Variants in C1orf185 observed in about 807,000 individuals in gnomAD.
The protein encoded by C1orf185 is uncharacterized protein C1orf185.
A neutral mutation model predicts 16.1 loss-of-function variants in C1orf185; 13 were observed. The ratio of observed to expected loss-of-function variants is 0.81; its 90% CI spans 0.53 to 1.28. The LOEUF is 1.28. Among genes scored for constraint, C1orf185 ranks in the 50% most tolerant of loss-of-function variants. The pLI, the probability that C1orf185 is intolerant of heterozygous loss-of-function variation, is 0.00. For synonymous variants in C1orf185, 80 were observed against 76.9 expected (o/e 1.04, Z -0.21); for missense variants, 220 against 225.2 (o/e 0.98, Z 0.15).
intron 3 of C1orf185, among the ~76,000 whole-genome samples, chr1:51,119,672 T>A (rs1646183460): frequency 6.6e-6 from 1 of 152,212 alleles, no homozygotes; most frequent in Non-Finnish European, 1.5e-5. Context: ...TAGTGGCTCA[T>A]GCCTGTAGTC....
rs1553164011 is a variant in C1orf185, at chr1:51,141,669, T to C, written c.259-4055T>C. 3.9e-5 allele frequency among the ~76,000 whole-genome samples: 6 copies of C among 152,148 alleles called. No homozygotes were observed. The South Asian group carries it at 1.0e-3, about 26-fold the overall frequency. ...TGTCAAATGTGTGTATGGGTGTGTA[T>C]TTTTATTGTTTCTGAACCACTTAAA... On this transcript the variant is annotated intron_variant, in intron 3 of 4. Coordinates refer to ENST00000371759, the MANE Select transcript of C1orf185 (RefSeq NM_001136508.2).
chr1:51,137,895 A>G (rs1646337907), intron 3 of C1orf185, among the ~76,000 whole-genome samples: 1 of 152,196 alleles, frequency 6.6e-6, no homozygotes, highest in African/African-American at 2.4e-5. Context: ...GATCATACCC[A>G]TTGCAGGAAC....
At chr1:51,143,916 T>C (rs1396792558) in intron 3 of C1orf185, among the ~76,000 whole-genome samples, 1 of 152,198 alleles carries the variant, frequency 6.6e-6, no homozygotes, top group Non-Finnish European at 1.5e-5. Context: ...CACCCAGCCA[T>C]AAGCTTGGAG....
At chr1:51,137,404 C>A (rs1557652006) in intron 3 of C1orf185, among the ~76,000 whole-genome samples, 1 of 152,026 alleles carries the variant, frequency 6.6e-6, no homozygotes, top group Non-Finnish European at 1.5e-5. Flanking sequence ...TGTGGTGGTG[C>A]ACACCTGTAA....
intron 2 of C1orf185, among the ~76,000 whole-genome samples, chr1:51,113,348 T>G (rs1252905482): frequency 1.3e-5 from 2 of 151,686 alleles, no homozygotes; most frequent in Non-Finnish European, 2.9e-5. Context: ...ACTGTAAAAT[T>G]TGCTGTTTCT....
intron 1 of C1orf185, among the ~76,000 whole-genome samples, chr1:51,107,573 CT>C (rs200493028): frequency 0.015 from 2,283 of 152,036 alleles, 57 homozygotes; most frequent in African/African-American, 0.051. Context: ...ATAGAACTTG[CT>C]TTTTTTGTAT....
At chr1:51,110,385 T>A (rs1646107408) in intron 1 of C1orf185, among the ~76,000 whole-genome samples, 1 of 152,218 alleles carries the variant, frequency 6.6e-6, no homozygotes, top group Non-Finnish European at 1.5e-5. Flanking sequence ...AGTATCACTT[T>A]GAGAAATAAC....
At chr1:51,110,457 A>C (rs1646107859) in intron 1 of C1orf185, among the ~76,000 whole-genome samples, 1 of 152,218 alleles carries the variant, frequency 6.6e-6, no homozygotes, top group Non-Finnish European at 1.5e-5. Flanking sequence ...GATCTCAAAG[A>C]AAACTAAGAT....
intron 2 of C1orf185, among the ~76,000 whole-genome samples, chr1:51,116,211 A>G (rs1646156192): frequency 2.0e-5 from 3 of 152,074 alleles, no homozygotes; most frequent in Non-Finnish European, 4.4e-5. Context: ...CTACTGCAAA[A>G]GAAGTTAAAA....
chr1:51,131,512 A>G (rs1646285171), intron 3 of C1orf185, among the ~76,000 whole-genome samples: 1 of 152,130 alleles, frequency 6.6e-6, no homozygotes, highest in East Asian at 1.9e-4. Flanking sequence ...GGTGGCTCAC[A>G]CCTATAATCC....
chr1:51,136,328 T>G (rs1216106025), intron 3 of C1orf185, among the ~76,000 whole-genome samples: 1 of 151,414 alleles, frequency 6.6e-6, no homozygotes, highest in East Asian at 1.9e-4. Context: ...ATTATTTCTA[T>G]TTTGATCTTG....
intron 3 of C1orf185, among the ~76,000 whole-genome samples, chr1:51,119,680 G>A (rs760463710): frequency 6.6e-5 from 10 of 152,176 alleles, no homozygotes; most frequent in Admixed American, 1.3e-4. Flanking sequence ...CATGCCTGTA[G>A]TCCTAGTTGT....
chr1:51,145,222 T>C (rs1646391230), intron 3 of C1orf185, among the ~76,000 whole-genome samples: 1 of 152,020 alleles, frequency 6.6e-6, no homozygotes, highest in South Asian at 2.1e-4. Context: ...GGAAGATCGC[T>C]TGAGCCCAGG....
intron 3 of C1orf185, among the ~76,000 whole-genome samples, chr1:51,123,204 T>C (rs1182621044): frequency 6.6e-6 from 1 of 152,154 alleles, no homozygotes; most frequent in Non-Finnish European, 1.5e-5. Flanking sequence ...AATCTATTAA[T>C]CCATTAAGCC....
chr1:51,128,181 G>A (rs894363130), intron 3 of C1orf185, among the ~76,000 whole-genome samples: 9 of 151,930 alleles, frequency 5.9e-5, no homozygotes, highest in African/African-American at 1.9e-4. Flanking sequence ...GAGCCACCGC[G>A]CCCAGCCTGT....
chr1:51,103,703 T>G (rs1471520412), intron 1 of C1orf185, among the ~76,000 whole-genome samples: 1 of 152,102 alleles, frequency 6.6e-6, no homozygotes, highest in Non-Finnish European at 1.5e-5. Context: ...CTGGTTAATC[T>G]TGTGTGTTTT....
intron 1 of C1orf185, among the ~76,000 whole-genome samples, chr1:51,109,659 G>A (rs531871129): frequency 6.6e-5 from 10 of 152,100 alleles, no homozygotes; most frequent in Admixed American, 3.3e-4. Flanking sequence ...TTCTTTCTCC[G>A]GTGAGTGTTC....
chr1:51,131,220 AGGTG>A (rs1479604487), intron 3 of C1orf185, among the ~76,000 whole-genome samples: 1 of 152,170 alleles, frequency 6.6e-6, no homozygotes, highest in Non-Finnish European at 1.5e-5. Context: ...GTTTTGTATA[AGGTG>A]TGAGGTTTAG....
chr1:51,105,942 A>T (rs557044435), intron 1 of C1orf185, among the ~76,000 whole-genome samples: 4 of 152,280 alleles, frequency 2.6e-5, no homozygotes, highest in Non-Finnish European at 5.9e-5. Context: ...CCCGTGGTAA[A>T]ATGTTTTGGA....
Sources: gnomAD v4.1 joint callset for allele counts (sites outside exome capture counted in the v4.1 genomes callset) on GRCh38, gnomAD v4.1.1 for gene constraint, MANE v1.5 for transcripts, NCBI Gene and HGNC (gene_info 2026-07-23, HGNC 2026-07-21) for gene names.